Variants in CC2D2A observed in about 807,000 individuals in gnomAD.
CC2D2A encodes the protein coiled-coil and C2 domain containing 2A.
CC2D2A carries 155 observed loss-of-function variants against 212.9 expected under a neutral mutation model. The observed-to-expected ratio is 0.73, with a 90% CI of 0.64 to 0.83. The LOEUF is 0.83. Among genes scored for constraint, CC2D2A ranks in the 40% least tolerant of loss-of-function variants. CC2D2A has a pLI of 0.00. For missense variants in CC2D2A, 1,856 were observed against 1,956.2 expected, an observed-to-expected ratio of 0.95 and a Z score of 0.97; for synonymous variants, 667 against 686.5, an observed-to-expected ratio of 0.97 and a Z score of 0.44.
At chr4:15,509,675 A>G (rs1716448850) in intron 6 of CC2D2A, among the ~76,000 whole-genome samples, 1 of 152,238 alleles carries the variant, frequency 6.6e-6, no homozygotes, top group African/African-American at 2.4e-5. Context: ...ACCTTCAAAT[A>G]TACAGTCATG....
intron 17 of CC2D2A, among the ~76,000 whole-genome samples, chr4:15,543,199 G>C (rs1009414302): frequency 1.4e-4 from 21 of 152,100 alleles, no homozygotes; most frequent in African/African-American, 4.6e-4. Context: ...TTGATAACAG[G>C]ATTGATATCT....
chr4:15,582,382 A>G (rs1231007819), intron 30 of CC2D2A, among the ~76,000 whole-genome samples: 1 of 152,134 alleles, frequency 6.6e-6, no homozygotes, highest in Non-Finnish European at 1.5e-5. Flanking sequence ...TAAACAAAAT[A>G]AAGACTTAAA....
intron 22 of CC2D2A, among the ~76,000 whole-genome samples, 165 bp downstream of exon 22, chr4:15,559,422 C>G (rs999982250): frequency 2.6e-5 from 4 of 152,206 alleles, no homozygotes; most frequent in Non-Finnish European, 5.9e-5. Flanking sequence ...CAACTATCAT[C>G]ACCTTTCAAA....
At chr4:15,484,178 G>C (rs1714865712) in intron 4 of CC2D2A, among the ~76,000 whole-genome samples, 1 of 152,228 alleles carries the variant, frequency 6.6e-6, no homozygotes, top group Non-Finnish European at 1.5e-5. Context: ...ACTGCAGTGG[G>C]AGTGAGAGGA....
rs1327730952 is a variant in CC2D2A at position 15,560,535 on chromosome 4, G to C, written c.2927G>C (p.Arg976Thr). The C allele has an allele frequency of 1.4e-6, 2 of 1,466,026 alleles. No individual in the cohort carries two copies. The highest frequency in any genetic ancestry group is 1.9e-6 in the Non-Finnish European group (2 of 1,058,002). The allele number at this position is 1,466,026 out of a possible 1,614,324, so 90.8% of individuals were successfully genotyped here. ...AIVAKYLQQV[R>T]ESVINRFLIA... ...TAAGCTGATTTCTTTCCCCAGGTTA[G>C]AGAATCAGTGATAAATCGTTTCTTA... is the stretch of plus-strand genomic sequence containing the variant. Residue 976 changes from arginine to threonine, a missense_variant, in exon 23 of 37, where the codon AGA becomes ACA. Transcript: ENST00000424120.
At chr4:15,565,039 A>G (rs1719819807) in intron 24 of CC2D2A, among the ~76,000 whole-genome samples, 1 of 152,164 alleles carries the variant, frequency 6.6e-6, no homozygotes, top group African/African-American at 2.4e-5. Flanking sequence ...CCTATTAGAG[A>G]GCATCTACAA....
At chr4:15,518,073 C>T (rs1403564722) in intron 11 of CC2D2A, among the ~76,000 whole-genome samples, 2 of 152,150 alleles carry the variant, frequency 1.3e-5, no homozygotes, top group African/African-American at 4.8e-5. Flanking sequence ...GGTAGGAACA[C>T]AGCCAAACCA....
chr4:15,574,677 C>G lies in CC2D2A; in HGVS notation c.3771+351C>G, dbSNP rs564217354. 1.1e-4 allele frequency among the ~76,000 whole-genome samples: 17 copies of G among 152,278 alleles called. No homozygotes were observed. In the South Asian group the frequency reaches 3.3e-3, roughly 30 times the overall value. On this transcript the variant is annotated intron_variant, in intron 29 of 36. Transcript: ENST00000424120. ...TATCACAAACTAGAATATCAGATTG[C>G]TCTTTTATTTGACAAGTATTGGCAA... is the stretch of plus-strand genomic sequence containing the variant.
intron 24 of CC2D2A, among the ~76,000 whole-genome samples, chr4:15,564,629 C>T (rs1324250207): frequency 2.0e-5 from 3 of 152,036 alleles, no homozygotes; most frequent in Admixed American, 2.0e-4. Context: ...CTAGGTTCTT[C>T]CCCTTTAATT....
intron 4 of CC2D2A, among the ~76,000 whole-genome samples, chr4:15,485,123 A>ACAACAAATGCT (rs1714922757): frequency 6.6e-6 from 1 of 152,238 alleles, no homozygotes; most frequent in African/African-American, 2.4e-5. Flanking sequence ...CATGGGCATA[A>ACAACAAATGCT]CAACAAATGC....
At chr4:15,509,006 A>G (rs1245966586) in intron 6 of CC2D2A, among the ~76,000 whole-genome samples, 1 of 152,154 alleles carries the variant, frequency 6.6e-6, no homozygotes, top group Non-Finnish European at 1.5e-5. Context: ...AGAGATGGGT[A>G]AGAAGTTGGA....
intron 6 of CC2D2A, among the ~76,000 whole-genome samples, chr4:15,506,101 T>C (rs1179463968): frequency 6.6e-6 from 1 of 152,240 alleles, no homozygotes; most frequent in Admixed American, 6.5e-5. Context: ...CATATGATGA[T>C]AGGCACTCAA....
At chr4:15,470,684 T>TATATATATA (rs1713714487) in intron 1 of CC2D2A, among the ~76,000 whole-genome samples, 1 of 27,852 alleles carries the variant, frequency 3.6e-5, no homozygotes, top group African/African-American at 9.3e-5. Flanking sequence ...TCTCTCTCTC[T>TATATATATA]CTCTCTATAT....
chr4:15,549,231 TAA>T (rs1180308470), intron 17 of CC2D2A, among the ~76,000 whole-genome samples: 2 of 152,198 alleles, frequency 1.3e-5, no homozygotes, highest in African/African-American at 4.8e-5. Context: ...AAATTTTCCA[TAA>T]AAGACTTTTT....
chr4:15,601,364 C>T lies in CC2D2A; in HGVS notation c.4802C>T (p.Pro1601Leu), dbSNP rs1319435466. The T allele has an allele frequency of 6.3e-7, 1 of 1,590,622 alleles. No individual in the cohort carries two copies. Among genetic ancestry groups the T allele is most frequent in the Admixed American group, 1.7e-5 (1 of 57,426 alleles). The change falls in exon 37 of 37, where the codon CCA becomes CTA. Residue 1601 changes from proline (P) to leucine (L), a missense_variant. By Grantham distance (98) the Pro-to-Leu change is moderately conservative (BLOSUM62 -3). Coordinates refer to ENST00000424120, the MANE Select transcript of CC2D2A (RefSeq NM_001378615.1). ...TTTGCTTTAGCTGTATACATACACC[C>T]ATACCCCAAAAATGTTTTGTCTGTT... ...VEFALAVYIH[P>L]YPKNVLSVWI...
intron 11 of CC2D2A, 93 bp from the exon 12 acceptor site, chr4:15,527,354 T>C: frequency 1.1e-6 from 1 of 897,040 alleles, no homozygotes; most frequent in Non-Finnish European, 1.7e-6. Flanking sequence ...AGGAGGTATT[T>C]TGCATCTGAC....
In CC2D2A at chr4:15,589,635, T is replaced by C; in HGVS notation, c.4270T>C (p.Phe1424Leu). The change falls in exon 33 of 37, where the codon TTC becomes CTC. Residue 1424 changes from phenylalanine to leucine, a missense_variant. This residue lies in a region of CC2D2A where 285 missense variants were observed against 278.4 expected (regional missense o/e 1.02). Transcript: ENST00000424120. ...SGHFYGQFDT[F>L]CPLKNVGCLI... ...ACATTTTTATGGACAATTTGATACA[T>C]TCTGTCCCTTGAAAAATGTGGGCTG... is the stretch of plus-strand genomic sequence containing the variant. The C allele has an allele frequency of 6.2e-7, 1 of 1,603,776 alleles. No homozygotes were observed. The highest frequency in any genetic ancestry group is 8.5e-7 in the Non-Finnish European group (1 of 1,173,934).
rs373780145 is a variant in CC2D2A, at chr4:15,567,769, A to C, written c.3381A>C (p.Glu1127Asp). 2 of 1,591,654 alleles carry C rather than the reference A, an allele frequency of 1.3e-6. No individual in the cohort carries two copies. The highest frequency in any genetic ancestry group is 1.2e-5 in the South Asian group (1 of 86,022). Residue 1127 changes from glutamate to aspartate, a missense_variant, in exon 26 of 37, where the codon GAA (glutamate) becomes GAC (aspartate). This residue lies in a region of CC2D2A where 1,512 missense variants were observed against 1,579.3 expected (regional missense o/e 0.96). Coordinates refer to ENST00000424120, the MANE Select transcript of CC2D2A (RefSeq NM_001378615.1). ...GACCAAACCCTAGCTGGAATGAAGA[A>C]CTAGAACTTCCATTTAGGTAAGCAT... Reference protein sequence around the residue: ...AEGPNPSWNEELELPFRAPNG... With the variant: ...AEGPNPSWNEDLELPFRAPNG...
intron 29 of CC2D2A, 117 bp downstream of exon 29, chr4:15,574,443 T>C (rs1373109267): frequency 2.8e-6 from 2 of 716,492 alleles, no homozygotes; most frequent in Non-Finnish European, 4.3e-6. Context: ...TACTTCAATC[T>C]CCATTTATTA....
Sources: gnomAD v4.1 joint callset for allele counts (sites outside exome capture counted in the v4.1 genomes callset) on GRCh38, gnomAD v4.1.1 for gene constraint, gnomAD v4.1.1 regional missense constraint, MANE v1.5 for transcripts, NCBI Gene and HGNC (gene_info 2026-07-23, HGNC 2026-07-21) for gene names.